The following DNAH11 variants were observed in gnomAD, a reference collection of about 807,000 sequenced individuals.
DNAH11 encodes the protein dynein axonemal heavy chain 11.
In DNAH11, 442 loss-of-function variants were observed where a neutral mutation model predicts 526.0. The ratio of observed to expected loss-of-function variants is 0.84; its 90% CI spans 0.78 to 0.91. DNAH11 has a LOEUF of 0.91. Among genes scored for constraint, DNAH11 ranks in the 40% least tolerant of loss-of-function variants. The pLI, the probability that DNAH11 is intolerant of heterozygous loss-of-function variation, is 0.00. For missense variants in DNAH11, 6,989 were observed against 5,448.7 expected (o/e 1.28, Z -8.90); for synonymous variants, 2,461 against 1,935.9 (o/e 1.27, Z -7.12).
At position 21,744,604 on chromosome 7, in the gene DNAH11, G is replaced by A. The variant is rs1048811611; in HGVS notation, c.8316+5G>A. The A allele has an allele frequency of 1.2e-6, 2 of 1,612,350 alleles. No individual in the cohort carries two copies. The highest frequency in any genetic ancestry group is 1.7e-6 in the Non-Finnish European group (2 of 1,179,580). On this transcript the variant is annotated splice_donor_5th_base_variant and intron_variant, in intron 50 of 81. Coordinates refer to ENST00000409508, the MANE Select transcript of DNAH11 (RefSeq NM_001277115.2). ...ACTGCTTATAAATATTTTGAAGTAA[G>A]CGTATGAATGTCAGAGGTCACTACT... is the stretch of plus-strand genomic sequence containing the variant.
At chr7:21,807,459 A>G (rs1296939790) in intron 62 of DNAH11, among the ~76,000 whole-genome samples, 1 of 152,210 alleles carries the variant, frequency 6.6e-6, no homozygotes. Flanking sequence ...AGATGGTGCT[A>G]TGGCATTCCA....
intron 14 of DNAH11, among the ~76,000 whole-genome samples, chr7:21,596,180 T>A (rs558956918): frequency 6.6e-6 from 1 of 152,348 alleles, no homozygotes; most frequent in East Asian, 1.9e-4. Context: ...TCTGTCTTCT[T>A]TGAGTACTGC....
In DNAH11 at chr7:21,801,904, T is replaced by C. The variant is rs116453318; in HGVS notation, c.10165+629T>C. ...AGATAAAGGTTTTTTATAATTCTTA[T>C]TGACATTCTCTTGCTTGAACATGAG... On this transcript the variant is annotated intron_variant, in intron 62 of 81. Transcript: ENST00000409508. 9.5e-3 allele frequency among the ~76,000 whole-genome samples: 1,446 copies of C among 152,344 alleles called. 16 individuals are homozygous for C. Among genetic ancestry groups the C allele is most frequent in the African/African-American group, 0.033 (1,363 of 41,584 alleles).
At chr7:21,572,627 G>A (rs952646840) in intron 8 of DNAH11, among the ~76,000 whole-genome samples, 2 of 152,124 alleles carry the variant, frequency 1.3e-5, no homozygotes, top group Admixed American at 6.6e-5. Context: ...TTTAGCTCTT[G>A]TTCTTATTAT....
intron 46 of DNAH11, among the ~76,000 whole-genome samples, chr7:21,736,991 C>G (rs1426715220): frequency 6.6e-6 from 1 of 152,112 alleles, no homozygotes; most frequent in African/African-American, 2.4e-5. Flanking sequence ...AACAAATTAC[C>G]TATGATGTGA....
intron 76 of DNAH11, among the ~76,000 whole-genome samples, chr7:21,889,117 A>C (rs1784239295): frequency 6.6e-6 from 1 of 151,282 alleles, no homozygotes; most frequent in Non-Finnish European, 1.5e-5. Flanking sequence ...TTCTGTCTCT[A>C]TAGATTTGCA....
intron 8 of DNAH11, among the ~76,000 whole-genome samples, chr7:21,577,510 G>A (rs1291115252): frequency 6.6e-6 from 1 of 152,170 alleles, no homozygotes; most frequent in Non-Finnish European, 1.5e-5. Flanking sequence ...TGATGTTGGA[G>A]CAAACCTGAT....
chr7:21,849,167 G>A (rs751713565), intron 66 of DNAH11, among the ~76,000 whole-genome samples: 112 of 152,238 alleles, frequency 7.4e-4, no homozygotes, highest in Non-Finnish European at 1.2e-3. Context: ...TTACGGGCAT[G>A]AGCCACCATG....
At chr7:21,877,511 A>G (rs1198041245) in intron 74 of DNAH11, among the ~76,000 whole-genome samples, 1 of 152,150 alleles carries the variant, frequency 6.6e-6, no homozygotes, top group Non-Finnish European at 1.5e-5. Context: ...ATTTATGTAA[A>G]TTTAATCAAG....
At chr7:21,608,241 G>A (rs966755952) in intron 20 of DNAH11, among the ~76,000 whole-genome samples, 3 of 152,132 alleles carry the variant, frequency 2.0e-5, no homozygotes, top group East Asian at 3.9e-4. Context: ...AATATGGTGG[G>A]CAAAGAATCC....
chr7:21,717,834 T>A lies in DNAH11; in HGVS notation c.7043T>A (p.Ile2348Asn). The change falls in exon 43 of 82, where the codon ATT becomes AAT. Residue 2348 changes from isoleucine (I) to asparagine (N), a missense_variant. Ile to Asn is a moderately radical substitution (Grantham distance 149). Coordinates refer to ENST00000409508, the MANE Select transcript of DNAH11 (RefSeq NM_001277115.2). ...RHQSEKANLT[I>N]LFDKYVPACL... is the part of the protein sequence containing the mutation. ...CAATCAGAAAAGGCCAATTTGACTATTCTTTTTGATAAATATGTCCCTGCA... is the reference window on the plus strand; with the variant it reads ...CAATCAGAAAAGGCCAATTTGACTAATCTTTTTGATAAATATGTCCCTGCA... 6.2e-7 allele frequency: 1 copy of A among 1,613,924 alleles called. No homozygotes were observed. The highest frequency in any genetic ancestry group is 8.5e-7 in the Non-Finnish European group (1 of 1,179,848).
rs769030008 is a variant in DNAH11 at position 21,868,934 on chromosome 7, G to A, written c.11910G>A (p.Thr3970=). 33 of 1,613,872 alleles carry A rather than the reference G, an allele frequency of 2.0e-5. No individual in the cohort carries two copies. The highest frequency in any genetic ancestry group is 5.3e-5 in the African/African-American group (4 of 74,910). ...TGTCTTTAGGACAAGGTCAGGAGAC[G>A]GTGGCAGAAGTGGCCCTGGAGAAAG... ...HNVSLGQGQE[T]VAEVALEKAS... is the part of the protein sequence containing the mutation. The change falls in exon 73 of 82, where the codon ACG becomes ACA. Residue 3970 remains threonine (T), a synonymous_variant. Transcript: ENST00000409508.
chr7:21,546,887 A>G (rs113698327), intron 2 of DNAH11, among the ~76,000 whole-genome samples: 126 of 152,338 alleles, frequency 8.3e-4, no homozygotes, highest in Non-Finnish European at 1.3e-3. Flanking sequence ...ATTGTATTGA[A>G]TGGTTTAAGA....
intron 4 of DNAH11, among the ~76,000 whole-genome samples, chr7:21,560,363 C>T (rs956520861): frequency 7.2e-5 from 11 of 152,218 alleles, no homozygotes; most frequent in African/African-American, 2.6e-4. Context: ...GGAGAATTGA[C>T]TCACAGGATC....
chr7:21,834,360 G>A (rs1166038309), intron 65 of DNAH11, among the ~76,000 whole-genome samples: 1 of 152,112 alleles, frequency 6.6e-6, no homozygotes, highest in Admixed American at 6.5e-5. Flanking sequence ...AGTTCTAAGA[G>A]GGAATAAATT....
intron 2 of DNAH11, among the ~76,000 whole-genome samples, chr7:21,553,616 C>T (rs1292367132): frequency 6.6e-6 from 1 of 152,158 alleles, no homozygotes; most frequent in Non-Finnish European, 1.5e-5. Context: ...TTTCTTTTTT[C>T]CATTTAGGGC....
intron 8 of DNAH11, among the ~76,000 whole-genome samples, chr7:21,572,694 C>G (rs73066486): frequency 2.6e-5 from 4 of 152,120 alleles, no homozygotes; most frequent in Non-Finnish European, 5.9e-5. Flanking sequence ...ACAATTGATT[C>G]TTTGAAGTGT....
intron 4 of DNAH11, among the ~76,000 whole-genome samples, chr7:21,560,425 A>G (rs1459279374): frequency 6.6e-6 from 1 of 152,194 alleles, no homozygotes; most frequent in African/African-American, 2.4e-5. Flanking sequence ...CAAGGGAGCC[A>G]GTTGTGAATC....
chr7:21,852,625 G>A lies in DNAH11; in HGVS notation c.11055G>A (p.Glu3685=). Residue 3685 remains glutamate, a synonymous_variant, in exon 67 of 82, where the codon GAG becomes GAA. Transcript: ENST00000409508. ...CAAAGACCACCGTGGCAGAGATAGA[G>A]CACAAGGTAGGAAGGGCAGAGGGTG... ...EATKTTVAEI[E]HKVIEAKENE... 2 of 1,588,676 alleles carry A rather than the reference G, an allele frequency of 1.3e-6. No homozygotes were observed. Among genetic ancestry groups the A allele is most frequent in the African/African-American group, 1.4e-5 (1 of 73,880 alleles).
Sources: allele counts gnomAD v4.1 joint callset (sites outside exome capture counted in the v4.1 genomes callset), GRCh38; gene constraint gnomAD v4.1.1; transcripts MANE v1.5; gene names NCBI Gene and HGNC (gene_info 2026-07-23, HGNC 2026-07-21).